The following MAPT variants were observed in gnomAD, a reference collection of about 807,000 sequenced individuals.
The protein encoded by MAPT is microtubule-associated protein tau.
MAPT carries 34 observed loss-of-function variants against 67.9 expected under a neutral mutation model. That is an observed-to-expected ratio of 0.50 (90% confidence interval 0.38 to 0.67). The LOEUF (loss-of-function observed/expected upper bound fraction) is 0.67, where lower values mean the gene tolerates loss of function less well. Ranked by LOEUF, MAPT falls within the 30% of genes least tolerant of loss-of-function variation. MAPT has a pLI of 0.00. For missense variants in MAPT, 881 were observed against 1,115.2 expected, an observed-to-expected ratio of 0.79 and a Z score of 2.99; for synonymous variants, 456 against 464.5, an observed-to-expected ratio of 0.98 and a Z score of 0.23.
At chr17:45,902,114 G>T (rs965906376) in intron 1 of MAPT, among the ~76,000 whole-genome samples, 1 of 151,342 alleles carries the variant, frequency 6.6e-6, no homozygotes, top group Admixed American at 6.6e-5. Context: ...TCGCTCTATC[G>T]CCCAGGCTTA....
At chr17:45,993,990 C>T in intron 8 of MAPT, 1 of 1,561,604 alleles carries the variant, frequency 6.4e-7, no homozygotes, top group East Asian at 2.4e-5. Context: ...ACTCGGGAGC[C>T]TACTTCGCTG....
chr17:45,924,754 G>A (rs956900513), intron 1 of MAPT, among the ~76,000 whole-genome samples: 5 of 152,222 alleles, frequency 3.3e-5, no homozygotes, highest in South Asian at 2.1e-4. Context: ...CAGCATGTCC[G>A]CTGCAAACCG....
chr17:45,983,715 A>G lies in MAPT; in HGVS notation c.1136A>G (p.His379Arg). Residue 379 changes from histidine (H) to arginine (R), a missense_variant, in exon 5 of 13, where the codon CAC becomes CGC. Physicochemically the swap from His to Arg is conservative, Grantham distance 29. Transcript: ENST00000262410. ...GQDAPLEFTF[H>R]VEITPNVQKE... The stretch of plus-strand genomic sequence containing the variant: ...GATGCCCCCCTGGAGTTCACGTTTC[A>G]CGTGGAAATCACACCCAACGTGCAG... The G allele has an allele frequency of 2.5e-6, 4 of 1,614,176 alleles. No individual in the cohort carries two copies. Among genetic ancestry groups the G allele is most frequent in the Non-Finnish European group, 3.4e-6 (4 of 1,180,028 alleles).
chr17:45,922,071 G>C (rs142329370), intron 1 of MAPT, among the ~76,000 whole-genome samples: 39 of 151,942 alleles, frequency 2.6e-4, no homozygotes, highest in African/African-American at 9.2e-4. Flanking sequence ...TGAAGCTGGA[G>C]TGCCGTGGAG....
chr17:45,962,270 C>T (rs1424055907), intron 1 of MAPT, 51 bp from the exon 2 acceptor site: 2 of 1,493,786 alleles, frequency 1.3e-6, no homozygotes, highest in African/African-American at 2.8e-5. Context: ...TTCACCCCCA[C>T]TCTGCCCCCC....
intron 1 of MAPT, among the ~76,000 whole-genome samples, chr17:45,905,067 A>T (rs933771595): frequency 6.6e-6 from 1 of 152,074 alleles, no homozygotes; most frequent in Non-Finnish European, 1.5e-5. Flanking sequence ...AGCAGGGGAA[A>T]TTCCACGCTG....
intron 11 of MAPT, among the ~76,000 whole-genome samples, chr17:46,015,696 A>G (rs1471856729): frequency 6.6e-6 from 1 of 152,128 alleles, no homozygotes; most frequent in Admixed American, 6.5e-5. Flanking sequence ...ACAAACACAC[A>G]ACAAAAACCT....
At position 45,995,757 on chromosome 17, in the gene MAPT, G is replaced by C. The variant is rs1003152549; in HGVS notation, c.1733-642G>C. 3.3e-5 allele frequency among the ~76,000 whole-genome samples: 5 copies of C among 152,126 alleles called. No individual in the cohort carries two copies. Among genetic ancestry groups the C allele is most frequent in the Non-Finnish European group, 7.4e-5 (5 of 68,006 alleles). ...GGACAGCTAGGGACAGGCAGGCGTG[G>C]AGCAGGCATCCTGTTCTGAAGGCCA... is the stretch of plus-strand genomic sequence containing the variant. On this transcript the variant is annotated intron_variant, in intron 8 of 12. Transcript: ENST00000262410. The surrounding 1 kb of genome is among the most constrained non-coding windows in gnomAD (Gnocchi z 4.3).
At position 45,978,731 on chromosome 17, in the gene MAPT, C is replaced by G. The variant is rs13313562; in HGVS notation, c.286+291C>G. 321,749 of 404,144 alleles carry G rather than the reference C, an allele frequency of 0.8. 128,639 individuals are homozygous for G. The highest frequency in any genetic ancestry group is 0.81 in the Admixed American group (20,295 of 24,966). The allele number at this position is 404,144 out of a possible 1,614,324, so 25.0% of individuals were successfully genotyped here. A position where few individuals can be genotyped will look rare whatever the true frequency, so the allele number is the denominator to read the frequency against. Reference sequence around the variant, plus strand: ...GTCTAACAGAAACTCTAGGCCGGGCCTGGTGGCTCACGCCTCTAATCCCAG... The same window carrying G: ...GTCTAACAGAAACTCTAGGCCGGGCGTGGTGGCTCACGCCTCTAATCCCAG... On this transcript the variant is annotated intron_variant, in intron 4 of 12. Coordinates refer to ENST00000262410, the MANE Select transcript of MAPT (RefSeq NM_001377265.1).
chr17:45,927,857 G>A (rs1182965751), intron 1 of MAPT, among the ~76,000 whole-genome samples: 18 of 151,834 alleles, frequency 1.2e-4, no homozygotes, highest in African/African-American at 3.9e-4. Context: ...AAAAGTAGCC[G>A]GGAGTGGTGG....
chr17:46,006,798 C>G (rs1598366943), intron 9 of MAPT, among the ~76,000 whole-genome samples: 1 of 151,974 alleles, frequency 6.6e-6, no homozygotes, highest in Non-Finnish European at 1.5e-5. Context: ...TGGTGGGCGC[C>G]TGTAGTCCCA....
In MAPT at chr17:45,996,417, G is replaced by A; in HGVS notation, c.1751G>A (p.Gly584Glu). 6.2e-7 allele frequency: 1 copy of A among 1,612,652 alleles called. No homozygotes were observed. Among genetic ancestry groups the A allele is most frequent in the Non-Finnish European group, 8.5e-7 (1 of 1,179,990 alleles). ...PPSSGEPPKS[G>E]DRSGYSSPGS... ...TTCCCAGGTGAACCTCCAAAATCAG[G>A]GGATCGCAGCGGCTACAGCAGCCCC... Residue 584 changes from glycine to glutamate, a missense_variant, in exon 9 of 13, where the codon GGG (glycine) becomes GAG (glutamate). Transcript: ENST00000262410. The surrounding 1 kb of genome is among the most constrained non-coding windows in gnomAD (Gnocchi z 4.5).
rs752732471 is a variant in MAPT at position 45,983,386 on chromosome 17, A to C, written c.807A>C (p.Gly269=). 1.9e-6 allele frequency: 3 copies of C among 1,608,052 alleles called. No homozygotes were observed. Among genetic ancestry groups the C allele is most frequent in the Non-Finnish European group, 2.5e-6 (3 of 1,177,160 alleles). ...APELLKHQLL[G]DLHQEGPPLK... ...AGCTGCTCAAGCACCAGCTTCTAGG[A>C]GACCTGCACCAGGAGGGGCCGCCGC... Residue 269 remains glycine (G), a synonymous_variant, in exon 5 of 13, where the codon GGA becomes GGC. Coordinates refer to ENST00000262410, the MANE Select transcript of MAPT (RefSeq NM_001377265.1).
intron 5 of MAPT, chr17:45,985,748 A>G: frequency 1.0e-6 from 1 of 985,248 alleles, no homozygotes; most frequent in Non-Finnish European, 1.2e-6. Context: ...AGAACACGTG[A>G]GTCAGATCCG....
chr17:45,954,478 C>T (rs771276070), intron 1 of MAPT, among the ~76,000 whole-genome samples: 6 of 152,062 alleles, frequency 3.9e-5, no homozygotes, highest in Non-Finnish European at 8.8e-5. Context: ...AAAACATTAG[C>T]CAGGCATGGT....
At chr17:45,937,812 G>A (rs2067487435) in intron 1 of MAPT, among the ~76,000 whole-genome samples, 1 of 152,078 alleles carries the variant, frequency 6.6e-6, no homozygotes, top group Admixed American at 6.6e-5. Flanking sequence ...AAGCACTCTG[G>A]AGGCAAACAA....
At chr17:45,921,761 A>C (rs545735374) in intron 1 of MAPT, among the ~76,000 whole-genome samples, 1 of 152,170 alleles carries the variant, frequency 6.6e-6, no homozygotes, top group African/African-American at 2.4e-5. Context: ...TTTAAACTCT[A>C]TCTGGAGGAA....
At chr17:45,908,270 C>T (rs3785879) in intron 1 of MAPT, 2 of 151,990 alleles carry the variant, frequency 1.3e-5, no homozygotes, top group Non-Finnish European at 2.9e-5. Context: ...CACATACCCC[C>T]CACACACACA....
intron 9 of MAPT, among the ~76,000 whole-genome samples, chr17:46,007,184 ATAAG>A (rs2075504788): frequency 6.6e-6 from 1 of 151,978 alleles, no homozygotes; most frequent in Admixed American, 6.5e-5. Flanking sequence ...ACAAAAATAA[ATAAG>A]TAAATTAAAA....
Sources: allele counts gnomAD v4.1 joint callset (sites outside exome capture counted in the v4.1 genomes callset), GRCh38; gene constraint gnomAD v4.1.1; non-coding constraint Gnocchi (gnomAD v3.1); transcripts MANE v1.5; gene names NCBI Gene and HGNC (gene_info 2026-07-23, HGNC 2026-07-21).